TLN2: variants seen among roughly 807,000 people sequenced by gnomAD.
The protein encoded by TLN2 is talin 2.
TLN2 carries 118 observed loss-of-function variants against 294.7 expected under a neutral mutation model. The observed-to-expected ratio is 0.40, with a 90% CI of 0.34 to 0.47. TLN2 has a LOEUF of 0.47. TLN2 is among the 20% of genes least tolerant of loss of function. TLN2 has a pLI of 0.84. For missense variants in TLN2, 3,083 were observed against 3,282.2 expected, an observed-to-expected ratio of 0.94 and a Z score of 1.48; for synonymous variants, 1,431 against 1,304.5, an observed-to-expected ratio of 1.10 and a Z score of -2.09.
At chr15:62,588,685 T>TAC (rs1171453688) in intron 1 of TLN2, among the ~76,000 whole-genome samples, 1 of 133,292 alleles carries the variant, frequency 7.5e-6, no homozygotes, top group Non-Finnish European at 1.6e-5. Flanking sequence ...TATATATATA[T>TAC]ATATATATAT....
intron 1 of TLN2, among the ~76,000 whole-genome samples, chr15:62,400,548 T>A (rs1239658462): frequency 6.6e-6 from 1 of 152,214 alleles, no homozygotes; most frequent in Non-Finnish European, 1.5e-5. Context: ...TATAATGAAT[T>A]CTCTTGGGAA....
intron 43 of TLN2, among the ~76,000 whole-genome samples, chr15:62,777,635 A>T (rs560761556): frequency 1.5e-4 from 23 of 151,356 alleles, no homozygotes; most frequent in South Asian, 1.5e-3. Context: ...CCCCCAACCC[A>T]CTCAATTGGG....
intron 11 of TLN2, among the ~76,000 whole-genome samples, chr15:62,676,011 C>T (rs558969968): frequency 2.0e-5 from 3 of 152,322 alleles, no homozygotes; most frequent in South Asian, 4.1e-4. Context: ...TTTGGCCTCT[C>T]GCCTGGGGCC....
intron 9 of TLN2, among the ~76,000 whole-genome samples, chr15:62,661,529 A>G (rs1279199122): frequency 1.3e-5 from 2 of 152,180 alleles, no homozygotes; most frequent in East Asian, 1.9e-4. Context: ...GGAGAAGTGC[A>G]GGGCGGCTTA....
intron 2 of TLN2, among the ~76,000 whole-genome samples, chr15:62,609,109 G>A (rs1449369965): frequency 1.3e-5 from 2 of 151,928 alleles, no homozygotes; most frequent in African/African-American, 2.4e-5. Context: ...GTTCCCCCTG[G>A]GCCTCCTCCC....
chr15:62,837,903 G>A (rs901860992), intron 57 of TLN2, among the ~76,000 whole-genome samples: 4 of 152,152 alleles, frequency 2.6e-5, no homozygotes, highest in African/African-American at 7.2e-5. Flanking sequence ...TTCTGATGGC[G>A]AACCCTCAAG....
chr15:62,835,137 C>T (rs2069360357), intron 55 of TLN2: 2 of 152,892 alleles, frequency 1.3e-5, no homozygotes, highest in African/African-American at 2.4e-5. Flanking sequence ...GCTTCTCCCT[C>T]TGGATGTGGA....
At chr15:62,499,950 AAAC>A (rs903704838) in intron 1 of TLN2, among the ~76,000 whole-genome samples, 6 of 147,736 alleles carry the variant, frequency 4.1e-5, no homozygotes, top group African/African-American at 1.3e-4. Flanking sequence ...ACAAACAAAC[AAAC>A]AAAAAAAACA....
chr15:62,486,458 T>TG (rs1567019935), intron 1 of TLN2, among the ~76,000 whole-genome samples: 1 of 148,588 alleles, frequency 6.7e-6, no homozygotes, highest in African/African-American at 2.5e-5. Flanking sequence ...CTTTGTTTTT[T>TG]TTTTTTTTTT....
chr15:62,604,275 G>C (rs181254615), intron 2 of TLN2, among the ~76,000 whole-genome samples: 19 of 152,158 alleles, frequency 1.2e-4, no homozygotes, highest in Admixed American at 3.9e-4. Flanking sequence ...CAGCACTGTG[G>C]GAAGCTGAGG....
intron 3 of TLN2, among the ~76,000 whole-genome samples, chr15:62,636,559 A>G (rs555043902): frequency 6.6e-6 from 1 of 151,976 alleles, no homozygotes; most frequent in South Asian, 2.1e-4. Flanking sequence ...TAGGTTTTTA[A>G]TTTCTTTCCT....
At chr15:62,839,325 C>T (rs945378751) in intron 58 of TLN2, among the ~76,000 whole-genome samples, 3 of 152,180 alleles carry the variant, frequency 2.0e-5, no homozygotes, top group Non-Finnish European at 4.4e-5. Flanking sequence ...AACCCAGCTG[C>T]ATGGGAGGCT....
At chr15:62,582,223 CACACACACACACACACACACA>C (rs2045147003) in intron 1 of TLN2, among the ~76,000 whole-genome samples, 5 of 144,280 alleles carry the variant, frequency 3.5e-5, no homozygotes, top group Admixed American at 2.9e-4. Context: ...CACACACACA[CACACACACACACACACACACA>C]CACATTCATG....
At chr15:62,499,962 C>T (rs1182697628) in intron 1 of TLN2, among the ~76,000 whole-genome samples, 1 of 150,844 alleles carries the variant, frequency 6.6e-6, no homozygotes, top group Non-Finnish European at 1.5e-5. Flanking sequence ...ACAAAAAAAA[C>T]AGTCAAAATT....
chr15:62,657,069 T>G (rs1289507027), intron 8 of TLN2, among the ~76,000 whole-genome samples: 4 of 150,534 alleles, frequency 2.7e-5, no homozygotes, highest in African/African-American at 9.8e-5. Flanking sequence ...AGATGCTTGT[T>G]GGCTTAAGGC....
chr15:62,576,263 CAA>C lies in TLN2; in HGVS notation c.-237-13412_-237-13411del, dbSNP rs35869276. ...TGGGTGAAAGAGTGAGACCCCGTCT[CAA>C]AAAAAAAAAAATAAATAAAAATAAA... On this transcript the variant is annotated intron_variant, in intron 1 of 58. Transcript: ENST00000636159. 3.5e-3 allele frequency among the ~76,000 whole-genome samples: 533 copies of C among 150,514 alleles called. 4 individuals carry two copies. Among genetic ancestry groups the C allele is most frequent in the South Asian group, 0.022 (105 of 4,750 alleles).
At chr15:62,457,946 T>C (rs1380408708) in intron 1 of TLN2, among the ~76,000 whole-genome samples, 1 of 152,220 alleles carries the variant, frequency 6.6e-6, no homozygotes, top group African/African-American at 2.4e-5. Flanking sequence ...TAGCCATGTT[T>C]TGGAAGTTTG....
At chr15:62,424,743 C>T (rs1260223781) in intron 1 of TLN2, among the ~76,000 whole-genome samples, 3 of 152,060 alleles carry the variant, frequency 2.0e-5, no homozygotes, top group African/African-American at 4.8e-5. Flanking sequence ...ATCTCTGCCT[C>T]CCTGGTTCAA....
In TLN2 at chr15:62,597,401, C is replaced by A. The variant is rs571730290; in HGVS notation, c.-162+7639C>A. ...TCTAATCCTCAGAGCCTGAAGTCCT[C>A]ACCCTTTTGCCCCTCAGTGGAGTAT... On this transcript the variant is annotated intron_variant, in intron 2 of 58. Coordinates refer to ENST00000636159, the MANE Select transcript of TLN2 (RefSeq NM_015059.3). Among the ~76,000 whole-genome samples, 5 of 152,306 alleles carry A rather than the reference C, an allele frequency of 3.3e-5. No individual in the cohort carries two copies. In the South Asian group the frequency reaches 6.2e-4, roughly 19 times the overall value.
Sources: gnomAD v4.1 joint callset for allele counts (sites outside exome capture counted in the v4.1 genomes callset) on GRCh38, gnomAD v4.1.1 for gene constraint, MANE v1.5 for transcripts, NCBI Gene and HGNC (gene_info 2026-07-23, HGNC 2026-07-21) for gene names.